Variants in ZC3H12B observed in about 807,000 individuals in gnomAD.
The protein encoded by ZC3H12B is zinc finger CCCH-type containing 12B.
Under a neutral mutation model 43.9 loss-of-function variants are expected in ZC3H12B, and 7 were observed. The observed-to-expected ratio is 0.16, with a 90% CI of 0.09 to 0.30. The LOEUF is 0.30. Ranked by LOEUF, ZC3H12B falls within the 10% of genes least tolerant of loss-of-function variation. The probability of loss-of-function intolerance (pLI) is 1.00; values close to 1 mark genes in which losing one functional copy is unlikely to be tolerated. For synonymous variants in ZC3H12B, 222 were observed against 241.7 expected, an observed-to-expected ratio of 0.92 and a Z score of 0.76; for missense variants, 475 against 670.2, an observed-to-expected ratio of 0.71 and a Z score of 3.22.
chrX:65,351,151 C>T, the ZC3H12B span, among the ~76,000 whole-genome samples: 2 of 111,357 alleles, frequency 1.8e-5, no homozygotes, highest in African/African-American at 6.5e-5. Context: ...AGAACAGAGG[C>T]CTCAGAAATA....
chrX:65,455,669 T>C (rs1274678601), intron 3 of ZC3H12B, among the ~76,000 whole-genome samples: 8 of 111,076 alleles, frequency 7.2e-5, no homozygotes, highest in Non-Finnish European at 1.5e-4. Context: ...CCAAGACACA[T>C]AATTGTCAGA....
At chrX:65,141,502 CTAT>C in the ZC3H12B span, among the ~76,000 whole-genome samples, 39 of 107,844 alleles carry the variant, frequency 3.6e-4, no homozygotes, top group Middle Eastern at 4.9e-3. Context: ...TTTCTTTTTT[CTAT>C]TATTATTATT....
chrX:65,443,773 C>T (rs899062223), intron 3 of ZC3H12B, among the ~76,000 whole-genome samples: 1 of 112,526 alleles, frequency 8.9e-6, no homozygotes. Flanking sequence ...GGACATATTA[C>T]ATTGCTGCAG....
the ZC3H12B span, among the ~76,000 whole-genome samples, chrX:65,276,438 C>G: frequency 1.8e-5 from 2 of 110,915 alleles, no homozygotes; most frequent in African/African-American, 6.6e-5. Flanking sequence ...AATTATAAAA[C>G]CAGCAAGAGA....
the ZC3H12B span, among the ~76,000 whole-genome samples, chrX:65,115,669 A>C: frequency 9.0e-6 from 1 of 111,389 alleles, no homozygotes; most frequent in African/African-American, 3.3e-5. Flanking sequence ...TTACATTCCC[A>C]CCTACAGTAT....
At chrX:65,074,435 TGTA>T in the ZC3H12B span, among the ~76,000 whole-genome samples, 102 of 111,952 alleles carry the variant, frequency 9.1e-4, no homozygotes, top group African/African-American at 3.0e-3. Flanking sequence ...TTAGTCATAA[TGTA>T]GTCAGTTTGA....
chrX:65,112,570 A>G, the ZC3H12B span, among the ~76,000 whole-genome samples: 1 of 111,837 alleles, frequency 8.9e-6, no homozygotes, highest in Admixed American at 9.5e-5. Context: ...ATGCTCATTT[A>G]CCATTCTAAA....
the ZC3H12B span, among the ~76,000 whole-genome samples, chrX:65,266,199 G>A: frequency 8.9e-6 from 1 of 112,176 alleles, no homozygotes; most frequent in Non-Finnish European, 1.9e-5. Flanking sequence ...AACTACCAGG[G>A]ACTGTAATCT....
the ZC3H12B span, among the ~76,000 whole-genome samples, chrX:65,304,533 G>A: frequency 3.7e-5 from 4 of 108,438 alleles, no homozygotes; most frequent in East Asian, 2.9e-4. Flanking sequence ...GGAGAATGGC[G>A]TGAACCCGGG....
the ZC3H12B span, among the ~76,000 whole-genome samples, chrX:65,107,200 G>A: frequency 9.0e-6 from 1 of 111,672 alleles, no homozygotes; most frequent in Admixed American, 9.5e-5. Flanking sequence ...TCTTGAGAGT[G>A]GAGTGCTACT....
the ZC3H12B span, among the ~76,000 whole-genome samples, chrX:65,085,290 T>A: frequency 1.8e-5 from 2 of 111,870 alleles, no homozygotes; most frequent in Non-Finnish European, 3.8e-5. Flanking sequence ...ACACAAAGAA[T>A]AAATACTTGA....
At chrX:65,482,199 A>G (rs1207160538) in intron 3 of ZC3H12B, among the ~76,000 whole-genome samples, 1 of 111,341 alleles carries the variant, frequency 9.0e-6, no homozygotes, top group Non-Finnish European at 1.9e-5. Context: ...CTTTTTTTCC[A>G]ATTTAATATA....
chrX:65,200,525 T>C, the ZC3H12B span, among the ~76,000 whole-genome samples: 1 of 99,071 alleles, frequency 1.0e-5, no homozygotes, highest in African/African-American at 3.8e-5. Flanking sequence ...CTCCACCTCC[T>C]AGGTTCAAGC....
chrX:65,218,611 T>A, the ZC3H12B span, among the ~76,000 whole-genome samples: 544 of 110,300 alleles, frequency 4.9e-3, 2 homozygotes, highest in African/African-American at 0.016. Flanking sequence ...CCTGGAAACA[T>A]AACTTCATTG....
intron 4 of ZC3H12B, among the ~76,000 whole-genome samples, 170 bp from the exon 10 acceptor site, chrX:65,501,619 T>C (rs1213230220): frequency 9.0e-6 from 1 of 111,276 alleles, no homozygotes; most frequent in African/African-American, 3.3e-5. Context: ...CATCACAGTG[T>C]ATGATGCCTC....
At chrX:65,103,452 T>C in the ZC3H12B span, among the ~76,000 whole-genome samples, 3 of 111,777 alleles carry the variant, frequency 2.7e-5, no homozygotes, top group South Asian at 7.5e-4. Context: ...TTACAAACAA[T>C]TTGTGCAGTT....
At chrX:65,239,359 T>C in the ZC3H12B span, among the ~76,000 whole-genome samples, 27 of 111,386 alleles carry the variant, frequency 2.4e-4, no homozygotes, top group Admixed American at 2.4e-3. Context: ...TCTCTTGGTT[T>C]AAAGTCTGTT....
At chrX:65,211,359 A>G in the ZC3H12B span, among the ~76,000 whole-genome samples, 244 of 109,132 alleles carry the variant, frequency 2.2e-3, 2 homozygotes, top group African/African-American at 7.5e-3. Flanking sequence ...ATTAACAATA[A>G]TAAAATAACA....
chrX:65,052,663 T>G, the ZC3H12B span, among the ~76,000 whole-genome samples: 5 of 111,636 alleles, frequency 4.5e-5, no homozygotes, highest in Non-Finnish European at 9.4e-5. Flanking sequence ...TGCCCCATTT[T>G]CTTTATCCAT....
Sources: gnomAD v4.1 joint callset for allele counts (sites outside exome capture counted in the v4.1 genomes callset) on GRCh38, gnomAD v4.1.1 for gene constraint, MANE v1.5 for transcripts, NCBI Gene and HGNC (gene_info 2026-07-23, HGNC 2026-07-21) for gene names.